PIK3CG: variants seen among roughly 807,000 people sequenced by gnomAD.
PIK3CG encodes the protein phosphatidylinositol-4,5-bisphosphate 3-kinase catalytic subunit gamma, also known as phosphatidylinositol 4,5-bisphosphate 3-kinase catalytic subunit gamma isoform.
PIK3CG carries 55 observed loss-of-function variants against 102.3 expected under a neutral mutation model. The observed-to-expected ratio is 0.54, with a 90% CI of 0.43 to 0.67. The LOEUF is 0.67. Ranked by LOEUF, PIK3CG falls within the 30% of genes least tolerant of loss-of-function variation. The probability of loss-of-function intolerance (pLI) is 0.00; values close to 1 mark genes in which losing one functional copy is unlikely to be tolerated. For synonymous variants in PIK3CG, 552 were observed against 540.0 expected (o/e 1.02, Z -0.31); for missense variants, 1,258 against 1,391.8 (o/e 0.90, Z 1.53).
chr7:106,881,792 G>A (rs1411497620), intron 6 of PIK3CG, among the ~76,000 whole-genome samples: 1 of 152,176 alleles, frequency 6.6e-6, no homozygotes, highest in African/African-American at 2.4e-5. Context: ...GGAGGTGGCA[G>A]TGAGCTAAGA....
chr7:106,898,888 A>C (rs1791475334), intron 10 of PIK3CG, among the ~76,000 whole-genome samples: 1 of 152,168 alleles, frequency 6.6e-6, no homozygotes, highest in African/African-American at 2.4e-5. Context: ...ATTTTAAAAT[A>C]GTTTTTTCTA....
rs1281319100 is a variant in PIK3CG, at chr7:106,908,202, G to A, written c.*2815G>A. On this transcript the variant is annotated 3_prime_UTR_variant, in exon 11 of 11. Coordinates refer to ENST00000496166, the MANE Select transcript of PIK3CG (RefSeq NM_001282426.2). This position sits in a 1 kb window ranked among gnomAD's most constrained non-coding sequence, Gnocchi z 4.1. ...TCATTCAAAAATTATTAAGAAATTC[G>A]AGATGGCAACAGCAGTTGTCACACC... Among the ~76,000 whole-genome samples the A allele has an allele frequency of 2.0e-5, 3 of 152,138 alleles. No individual in the cohort carries two copies. Among genetic ancestry groups the A allele is most frequent in the South Asian group, 2.1e-4 (1 of 4,830 alleles).
Position 106,882,272 on chromosome 7 carries a change from A to G in PIK3CG, c.2629+65A>G, listed in dbSNP as rs17847828. The G allele has an allele frequency of 3.7e-4, 267 of 715,768 alleles. 1 individual carries two copies. The East Asian group carries it at 7.6e-3, about 20-fold the overall frequency. 44.3% of individuals were successfully genotyped at this position (715,768 alleles called of 1,614,324 possible). On this transcript the variant is annotated intron_variant, in intron 7 of 10. Coordinates refer to ENST00000496166, the MANE Select transcript of PIK3CG (RefSeq NM_001282426.2). ...CGTTTGAAAAGATTATAATTCCTTCAGTGTAGACATTTAATAACTGAAAAA... is the reference window on the plus strand; with the variant it reads ...CGTTTGAAAAGATTATAATTCCTTCGGTGTAGACATTTAATAACTGAAAAA...
chr7:106,886,270 G>A lies in PIK3CG; in HGVS notation c.3008G>A (p.Ser1003Asn). The A allele has an allele frequency of 6.2e-7, 1 of 1,614,080 alleles. No homozygotes were observed. Among genetic ancestry groups the A allele is most frequent in the Admixed American group, 1.7e-5 (1 of 60,024 alleles). The change falls in exon 10 of 11, where the codon AGC (serine) becomes AAC (asparagine). Residue 1003 changes from serine to asparagine, a missense_variant. Transcript: ENST00000496166. ...ATGGGAACTTCTGGAAAGAAGACAAGCCCACACTTCCAGAAATTTCAGGTA... is the reference window on the plus strand; with the variant it reads ...ATGGGAACTTCTGGAAAGAAGACAAACCCACACTTCCAGAAATTTCAGGTA... ...FVMGTSGKKT[S>N]PHFQKFQDIC...
chr7:106,871,571 AAGTGT>A (rs1790530513), intron 2 of PIK3CG, among the ~76,000 whole-genome samples: 1 of 152,230 alleles, frequency 6.6e-6, no homozygotes, highest in South Asian at 2.1e-4. Context: ...TCTATTCATA[AAGTGT>A]ATACTCTGAG....
rs1790661083 is a variant in PIK3CG, at chr7:106,874,681, GTACTTTTGACAAT to G, written c.2288-15_2288-3del. 1 of 1,471,048 alleles carries G rather than the reference GTACTTTTGACAAT, an allele frequency of 6.8e-7. No individual in the cohort carries two copies. Among genetic ancestry groups the G allele is most frequent in the African/African-American group, 1.4e-5 (1 of 72,042 alleles). 91.1% of individuals were successfully genotyped at this position (1,471,048 alleles called of 1,614,324 possible). A position where few individuals can be genotyped will look rare whatever the true frequency, so the allele number is the denominator to read the frequency against. On this transcript the variant is annotated splice_region_variant and splice_polypyrimidine_tract_variant and intron_variant, in intron 4 of 10. Coordinates refer to ENST00000496166, the MANE Select transcript of PIK3CG (RefSeq NM_001282426.2). The surrounding 1 kb of genome is among the most constrained non-coding windows in gnomAD (Gnocchi z 4.3). ...TTTCTGGAACTCACATAACTCTTGTGTACTTTTGACAATTACAGTTATTTCACAACTTAAACAA... is the reference window on the plus strand; with the variant it reads ...TTTCTGGAACTCACATAACTCTTGTGTACAGTTATTTCACAACTTAAACAA...
rs572848150 is a variant in PIK3CG at position 106,874,813 on chromosome 7, A to G, written c.2391+10A>G. 1 of 1,563,652 alleles carries G rather than the reference A, an allele frequency of 6.4e-7. No individual in the cohort carries two copies. ...AGCAGGAGCGCTGGCAGTAGGTATCACTTGGATGTCTCCATGTGGTCTTTA... is the reference window on the plus strand; with the variant it reads ...AGCAGGAGCGCTGGCAGTAGGTATCGCTTGGATGTCTCCATGTGGTCTTTA... On this transcript the variant is annotated intron_variant, in intron 5 of 10. Transcript: ENST00000496166. The surrounding 1 kb of genome is among the most constrained non-coding windows in gnomAD (Gnocchi z 4.3).
rs763607764 is a variant in PIK3CG at position 106,868,585 on chromosome 7, C to T, written c.1024C>T (p.His342Tyr). Residue 342 changes from histidine to tyrosine, a missense_variant, in exon 2 of 11, where the codon CAC becomes TAC. This residue lies in a region of PIK3CG where 832 missense variants were observed against 787.5 expected (regional missense o/e 1.06). Coordinates refer to ENST00000496166, the MANE Select transcript of PIK3CG (RefSeq NM_001282426.2). This position sits in a 1 kb window ranked among gnomAD's most constrained non-coding sequence, Gnocchi z 6.2. The part of the protein sequence containing the change: ...VTGYHEQLTI[H>Y]GKDHESVFTV... ...CGGCTACCATGAGCAGCTTACCATC[C>T]ACGGCAAGGACCACGAGAGTGTGTT... 6.2e-7 allele frequency: 1 copy of T among 1,614,188 alleles called. No homozygotes were observed. The highest frequency in any genetic ancestry group is 8.5e-7 in the Non-Finnish European group (1 of 1,180,046).
At chr7:106,882,039 T>C (rs1790955139) in intron 6 of PIK3CG, 78 bp from the exon 7 acceptor site, 2 of 497,650 alleles carry the variant, frequency 4.0e-6, no homozygotes, top group Non-Finnish European at 6.4e-6. Flanking sequence ...TAGATATGAT[T>C]GCTATTTTTA....
intron 10 of PIK3CG, among the ~76,000 whole-genome samples, chr7:106,900,652 C>T (rs551497320): frequency 6.6e-6 from 1 of 152,176 alleles, no homozygotes; most frequent in African/African-American, 2.4e-5. Context: ...TTTACAGTGA[C>T]ACTGGTCTGT....
At chr7:106,878,274 T>C (rs1456057967) in intron 5 of PIK3CG, among the ~76,000 whole-genome samples, 1 of 152,240 alleles carries the variant, frequency 6.6e-6, no homozygotes, top group Non-Finnish European at 1.5e-5. Flanking sequence ...TTCCCCAGGC[T>C]GTTTTTAAGA....
intron 4 of PIK3CG, among the ~76,000 whole-genome samples, chr7:106,873,717 C>CTG (rs143014145): frequency 0.057 from 8,465 of 149,534 alleles, 307 homozygotes; most frequent in Middle Eastern, 0.11. Context: ...GACTCTGTAT[C>CTG]TGTGTGTGTG....
At chr7:106,887,034 T>C (rs2116566469) in intron 10 of PIK3CG, among the ~76,000 whole-genome samples, 1 of 152,236 alleles carries the variant, frequency 6.6e-6, no homozygotes, top group Admixed American at 6.5e-5. Context: ...TTTAAGAAAG[T>C]TTATGAATTT....
Position 106,890,518 on chromosome 7 carries a change from ATGT to A in PIK3CG, c.3030+4231_3030+4233del, listed in dbSNP as rs1791240251. Among the ~76,000 whole-genome samples the A allele has an allele frequency of 6.6e-6, 1 of 152,182 alleles. No homozygotes were observed. The highest frequency in any genetic ancestry group is 2.4e-5 in the African/African-American group (1 of 41,438). ...TTTTTTAAAATTTTAAAACTAGTAA[ATGT>A]TGTTTATTAAAATCAAGAGCCAGCA... On this transcript the variant is annotated intron_variant, in intron 10 of 10. Transcript: ENST00000496166. This position sits in a 1 kb window ranked among gnomAD's most constrained non-coding sequence, Gnocchi z 4.2.
rs1233590460 is a variant in PIK3CG, at chr7:106,891,922, C to T, written c.3030+5630C>T. Among the ~76,000 whole-genome samples, 1 of 152,054 alleles carries T rather than the reference C, an allele frequency of 6.6e-6. No individual in the cohort carries two copies. The highest frequency in any genetic ancestry group is 1.5e-5 in the Non-Finnish European group (1 of 68,030). On this transcript the variant is annotated intron_variant, in intron 10 of 10. Coordinates refer to ENST00000496166, the MANE Select transcript of PIK3CG (RefSeq NM_001282426.2). The surrounding 1 kb of genome is among the most constrained non-coding windows in gnomAD (Gnocchi z 4.4). ...CTGGAGGCTCAGCCACATGCCCAGT[C>T]TCTATGCAGGGTCCTGACTCAGGAG...
rs1791434787 is a variant in PIK3CG at position 106,897,382 on chromosome 7, CCTTT to C, written c.3031-7722_3031-7719del. On this transcript the variant is annotated intron_variant, in intron 10 of 10. Coordinates refer to ENST00000496166, the MANE Select transcript of PIK3CG (RefSeq NM_001282426.2). This position sits in a 1 kb window ranked among gnomAD's most constrained non-coding sequence, Gnocchi z 4.6. ...ATGTTTTACATAGAGTAAAAATCAC[CCTTT>C]CTTTTATTTTTGGCTGGGGGTACAT... Among the ~76,000 whole-genome samples, 1 of 152,024 alleles carries C rather than the reference CCTTT, an allele frequency of 6.6e-6. No homozygotes were observed. The highest frequency in any genetic ancestry group is 1.5e-5 in the Non-Finnish European group (1 of 67,972).
rs1791237884 is a variant in PIK3CG, at chr7:106,890,422, C to T, written c.3030+4130C>T. On this transcript the variant is annotated intron_variant, in intron 10 of 10. Coordinates refer to ENST00000496166, the MANE Select transcript of PIK3CG (RefSeq NM_001282426.2). The surrounding 1 kb of genome is among the most constrained non-coding windows in gnomAD (Gnocchi z 4.2). ...GGTCTCAATCTCCTGACCTCGTGAT[C>T]CGGCTGCCTCAGCCTCCCAAAGTGC... Among the ~76,000 whole-genome samples the T allele has an allele frequency of 6.6e-6, 1 of 152,212 alleles. No homozygotes were observed. The highest frequency in any genetic ancestry group is 1.5e-5 in the Non-Finnish European group (1 of 68,034).
chr7:106,900,001 G>A (rs1562802094), intron 10 of PIK3CG, among the ~76,000 whole-genome samples: 1 of 151,982 alleles, frequency 6.6e-6, no homozygotes, highest in Non-Finnish European at 1.5e-5. Flanking sequence ...TTTTTGGTTG[G>A]TAGGCTATTT....
At chr7:106,875,903 T>G (rs1055147603) in intron 5 of PIK3CG, among the ~76,000 whole-genome samples, 1 of 126,466 alleles carries the variant, frequency 7.9e-6, no homozygotes, top group Non-Finnish European at 1.7e-5. Context: ...CATCAGTTTT[T>G]TTTTTGTTTT....
Sources: allele counts gnomAD v4.1 joint callset (sites outside exome capture counted in the v4.1 genomes callset), GRCh38; gene constraint gnomAD v4.1.1; regional missense constraint gnomAD v4.1.1; non-coding constraint Gnocchi (gnomAD v3.1); transcripts MANE v1.5; gene names NCBI Gene and HGNC (gene_info 2026-07-23, HGNC 2026-07-21).